The following AFAP1 variants were observed in gnomAD, a reference collection of about 807,000 sequenced individuals.
AFAP1 encodes the protein actin filament-associated protein 1.
A neutral mutation model predicts 93.9 loss-of-function variants in AFAP1; 75 were observed. That is an observed-to-expected ratio of 0.80 (90% CI 0.66 to 0.97). The LOEUF (loss-of-function observed/expected upper bound fraction) is 0.97, where lower values mean the gene tolerates loss of function less well. AFAP1 is among the 50% of genes least tolerant of loss of function. The pLI is 0.00. For missense variants in AFAP1, 1,201 were observed against 1,050.8 expected (o/e 1.14, Z -1.98); for synonymous variants, 517 against 430.7 (o/e 1.20, Z -2.48).
At chr4:7,915,959 C>G (rs11932600) in intron 1 of AFAP1, among the ~76,000 whole-genome samples, 4,577 of 152,198 alleles carry the variant, frequency 0.03, 188 homozygotes, top group African/African-American at 0.094. Flanking sequence ...AGGGAGAGGA[C>G]GGGAAAGAAA....
chr4:7,824,337 G>A (rs1402565496), intron 6 of AFAP1, among the ~76,000 whole-genome samples: 1 of 152,052 alleles, frequency 6.6e-6, no homozygotes, highest in Admixed American at 6.5e-5. Flanking sequence ...CATTTTTTAA[G>A]GAAATCTGAC....
chr4:7,768,877 G>A lies in AFAP1; in HGVS notation c.2385C>T (p.Ser795=), dbSNP rs1428240220. 1.2e-6 allele frequency: 2 copies of A among 1,607,646 alleles called. No individual in the cohort carries two copies. Among genetic ancestry groups the A allele is most frequent in the African/African-American group, 1.3e-5 (1 of 74,916 alleles). ...LKKSQAAPGS[S]PCRGHVLRKA... is the part of the protein sequence containing the mutation. ...TCCGCAGCACATGCCCTCGGCAGGG[G>A]GAGCTGCCCGGGGCAGCCTGGCTCT... Residue 795 remains serine, a synonymous_variant, in exon 17 of 18, where the codon TCC becomes TCT. Transcript: ENST00000420658.
chr4:7,871,731 A>G (rs1717067099), intron 2 of AFAP1, among the ~76,000 whole-genome samples: 1 of 152,246 alleles, frequency 6.6e-6, no homozygotes, highest in African/African-American at 2.4e-5. Flanking sequence ...GAGGACTCCC[A>G]AAACACGATT....
intron 3 of AFAP1, among the ~76,000 whole-genome samples, chr4:7,863,497 A>G (rs1173064588): frequency 6.6e-6 from 1 of 152,222 alleles, no homozygotes; most frequent in African/African-American, 2.4e-5. Flanking sequence ...GAATAGATGC[A>G]TATTTTAGCC....
intron 3 of AFAP1, among the ~76,000 whole-genome samples, chr4:7,864,023 A>AACTTCCCATCACAACCCC (rs1560207758): frequency 8.9e-5 from 2 of 22,374 alleles, no homozygotes; most frequent in Non-Finnish European, 2.0e-4. Context: ...ATCACAACCC[A>AACTTCCCATCACAACCCC]TTCCCAACTT....
At chr4:7,887,478 A>G (rs1718201782) in intron 1 of AFAP1, among the ~76,000 whole-genome samples, 1 of 152,238 alleles carries the variant, frequency 6.6e-6, no homozygotes, top group African/African-American at 2.4e-5. Context: ...ACTCTGACAA[A>G]TCAATTAAGC....
rs533239087 is a variant in AFAP1 at position 7,894,922 on chromosome 4, C to T, written c.-2-22842G>A. On this transcript the variant is annotated intron_variant, in intron 1 of 17. Coordinates refer to ENST00000420658, the MANE Select transcript of AFAP1 (RefSeq NM_001134647.2). ...AGGGGGATGCTGGAAGGCCTGCTGT[C>T]TCTCTGCCCCTGGCTCCCCAGGCAG... is the stretch of plus-strand genomic sequence containing the variant. Among the ~76,000 whole-genome samples the T allele has an allele frequency of 6.6e-5, 10 of 152,244 alleles. No homozygotes were observed. The South Asian group carries it at 1.9e-3, about 28-fold the overall frequency.
At chr4:7,840,921 T>C (rs1334789893) in intron 5 of AFAP1, among the ~76,000 whole-genome samples, 1 of 152,256 alleles carries the variant, frequency 6.6e-6, no homozygotes, top group Non-Finnish European at 1.5e-5. Context: ...GATGCTTTGA[T>C]ACAGAAAATG....
intron 2 of AFAP1, among the ~76,000 whole-genome samples, chr4:7,868,992 GAA>G (rs1012955582): frequency 3.2e-4 from 31 of 96,930 alleles, no homozygotes; most frequent in Non-Finnish European, 6.5e-4. Flanking sequence ...AAAAAGAAAA[GAA>G]AAGAGAAAGA....
chr4:7,802,812 G>T (rs1719177413), intron 9 of AFAP1, among the ~76,000 whole-genome samples: 1 of 151,942 alleles, frequency 6.6e-6, no homozygotes, highest in African/African-American at 2.4e-5. Context: ...ACCACACCTG[G>T]CTAATTTTTT....
At chr4:7,793,133 A>C (rs1270324674) in intron 11 of AFAP1, among the ~76,000 whole-genome samples, 1 of 151,956 alleles carries the variant, frequency 6.6e-6, no homozygotes, top group Non-Finnish European at 1.5e-5. Context: ...TTCACTGTTC[A>C]AAAGGACGTT....
chr4:7,822,554 A>G (rs1721054503), intron 6 of AFAP1, among the ~76,000 whole-genome samples: 1 of 151,816 alleles, frequency 6.6e-6, no homozygotes, highest in Non-Finnish European at 1.5e-5. Flanking sequence ...TTTATTCAAA[A>G]AAAACGGTTG....
At chr4:7,773,080 G>A (rs1234932576) in intron 15 of AFAP1, 70 bp from the exon 16 acceptor site, 4 of 1,517,718 alleles carry the variant, frequency 2.6e-6, no homozygotes, top group Non-Finnish European at 3.5e-6. Context: ...GAAGGCACCT[G>A]GTCCCCAAGA....
intron 3 of AFAP1, among the ~76,000 whole-genome samples, chr4:7,866,865 A>AT (rs956152991): frequency 1.4e-5 from 2 of 143,904 alleles, no homozygotes; most frequent in East Asian, 2.1e-4. Flanking sequence ...CCCTTTCTCT[A>AT]TTAAAAAAAA....
chr4:7,909,145 G>A (rs4396975), intron 1 of AFAP1, among the ~76,000 whole-genome samples: 4,170 of 152,252 alleles, frequency 0.027, 186 homozygotes, highest in African/African-American at 0.095. Flanking sequence ...TGATGGTGGT[G>A]TCATAATAAC....
At chr4:7,799,007 A>AG (rs1484212249) in intron 10 of AFAP1, 15 of 986,042 alleles carry the variant, frequency 1.5e-5, no homozygotes, top group Non-Finnish European at 7.2e-6. Context: ...TCTTTATTTA[A>AG]GTTTTCAGCT....
At chr4:7,843,688 T>A (rs1713341185) in intron 4 of AFAP1, 1 of 253,724 alleles carries the variant, frequency 3.9e-6, no homozygotes, top group African/African-American at 2.3e-5. Flanking sequence ...CTGCAGAGTG[T>A]TCCGCCATAC....
intron 6 of AFAP1, among the ~76,000 whole-genome samples, chr4:7,836,824 CA>C (rs111804837): frequency 2.5e-4 from 36 of 143,294 alleles, no homozygotes; most frequent in South Asian, 2.2e-4. Flanking sequence ...GTGAATATAC[CA>C]AAAAAAAAAA....
chr4:7,921,863 C>T (rs1198833271), intron 1 of AFAP1, among the ~76,000 whole-genome samples: 2 of 152,204 alleles, frequency 1.3e-5, no homozygotes, highest in South Asian at 2.1e-4. Context: ...CGGTGGCTCA[C>T]GCCTGTAATC....
Sources: gnomAD v4.1 joint callset for allele counts (sites outside exome capture counted in the v4.1 genomes callset) on GRCh38, gnomAD v4.1.1 for gene constraint, MANE v1.5 for transcripts, NCBI Gene and HGNC (gene_info 2026-07-23, HGNC 2026-07-21) for gene names.